The following DYNC1I1 variants were observed in gnomAD, a reference collection of about 807,000 sequenced individuals.
The protein encoded by DYNC1I1 is cytoplasmic dynein 1 intermediate chain 1.
In DYNC1I1, 43 loss-of-function variants were observed where a neutral mutation model predicts 86.6. The observed-to-expected ratio is 0.50, with a 90% CI of 0.39 to 0.64. The LOEUF is 0.64. Ranked by LOEUF, DYNC1I1 falls within the 30% of genes least tolerant of loss-of-function variation. DYNC1I1 has a pLI of 0.00. For synonymous variants in DYNC1I1, 262 were observed against 283.7 expected, an observed-to-expected ratio of 0.92 and a Z score of 0.77; for missense variants, 604 against 788.8, an observed-to-expected ratio of 0.77 and a Z score of 2.81.
chr7:95,953,561 C>T (rs1792617990), intron 6 of DYNC1I1, among the ~76,000 whole-genome samples: 1 of 152,170 alleles, frequency 6.6e-6, no homozygotes, highest in Non-Finnish European at 1.5e-5. Context: ...GAATATCATA[C>T]TGCGCTTGTA....
At position 96,042,894 on chromosome 7, in the gene DYNC1I1, G is replaced by A. The variant is rs1318259006; in HGVS notation, c.1509+3473G>A. ...AATAAAAAATGGGCCGGGGACTGTGGCTCACACCTGTGATCCCAGCACTTT... is the reference window on the plus strand; with the variant it reads ...AATAAAAAATGGGCCGGGGACTGTGACTCACACCTGTGATCCCAGCACTTT... On this transcript the variant is annotated intron_variant, in intron 14 of 16. Coordinates refer to ENST00000447467, the MANE Select transcript of DYNC1I1 (RefSeq NM_001135556.2). Among the ~76,000 whole-genome samples, 3 of 152,094 alleles carry A rather than the reference G, an allele frequency of 2.0e-5. No homozygotes were observed. In the East Asian group the frequency reaches 5.8e-4, roughly 29 times the overall value.
At chr7:95,873,464 C>T (rs192045629) in intron 6 of DYNC1I1, among the ~76,000 whole-genome samples, 61 of 152,274 alleles carry the variant, frequency 4.0e-4, no homozygotes, top group African/African-American at 1.4e-3. Flanking sequence ...CTAAGCATTT[C>T]GACTCTTAAT....
At chr7:95,913,847 T>G (rs1791401380) in intron 6 of DYNC1I1, among the ~76,000 whole-genome samples, 1 of 152,226 alleles carries the variant, frequency 6.6e-6, no homozygotes, top group South Asian at 2.1e-4. Flanking sequence ...CTTTTTGCAT[T>G]AATATCAGAG....
chr7:95,831,764 A>T lies in DYNC1I1; in HGVS notation c.374+3648A>T, dbSNP rs1051570348. 2.0e-5 allele frequency among the ~76,000 whole-genome samples: 3 copies of T among 152,216 alleles called. No individual in the cohort carries two copies. The East Asian group carries it at 5.8e-4, about 29-fold the overall frequency. On this transcript the variant is annotated intron_variant, in intron 5 of 16. Coordinates refer to ENST00000447467, the MANE Select transcript of DYNC1I1 (RefSeq NM_001135556.2). ...AATTAGTGATGTTGAACACTTTTTCATATACATATTGGTCATCTTATGTCT... is the reference window on the plus strand; with the variant it reads ...AATTAGTGATGTTGAACACTTTTTCTTATACATATTGGTCATCTTATGTCT...
At chr7:95,912,022 C>T (rs1261607221) in intron 6 of DYNC1I1, among the ~76,000 whole-genome samples, 1 of 152,156 alleles carries the variant, frequency 6.6e-6, no homozygotes, top group African/African-American at 2.4e-5. Context: ...AGCACTCACT[C>T]ATCACTTGAA....
chr7:96,013,059 A>T (rs1475402158), intron 10 of DYNC1I1, among the ~76,000 whole-genome samples: 2 of 152,054 alleles, frequency 1.3e-5, no homozygotes, highest in African/African-American at 2.4e-5. Context: ...AATCTCACAA[A>T]TTGAGGATCT....
chr7:96,034,671 GATGTGCACCCT>G (rs1236428338), intron 12 of DYNC1I1, among the ~76,000 whole-genome samples: 1 of 152,174 alleles, frequency 6.6e-6, no homozygotes, highest in Non-Finnish European at 1.5e-5. Flanking sequence ...CCCAGTTGCT[GATGTGCACCCT>G]ATGTGTGGAT....
intron 11 of DYNC1I1, among the ~76,000 whole-genome samples, chr7:96,030,545 C>T (rs1794785845): frequency 6.6e-6 from 1 of 152,076 alleles, no homozygotes; most frequent in South Asian, 2.1e-4. Flanking sequence ...TTCTTCTAGA[C>T]TTGCTTTCTT....
chr7:95,851,514 G>A (rs901959538), intron 5 of DYNC1I1, among the ~76,000 whole-genome samples: 1 of 152,314 alleles, frequency 6.6e-6, no homozygotes, highest in African/African-American at 2.4e-5. Context: ...AGGGGCTACT[G>A]TATTGATTTG....
chr7:95,926,213 TTTAACTAGAC>T (rs1275993652), intron 6 of DYNC1I1, among the ~76,000 whole-genome samples: 1 of 152,202 alleles, frequency 6.6e-6, no homozygotes, highest in Non-Finnish European at 1.5e-5. Flanking sequence ...ACAGGAAAGA[TTTAACTAGAC>T]TGTAAGAATG....
chr7:95,952,336 CTTA>C (rs1211201507), intron 6 of DYNC1I1, among the ~76,000 whole-genome samples: 1 of 152,104 alleles, frequency 6.6e-6, no homozygotes, highest in African/African-American at 2.4e-5. Flanking sequence ...ACTTTTTTAG[CTTA>C]TACTTTCCTC....
At chr7:95,897,921 C>T (rs1314633946) in intron 6 of DYNC1I1, among the ~76,000 whole-genome samples, 1 of 152,110 alleles carries the variant, frequency 6.6e-6, no homozygotes, top group Non-Finnish European at 1.5e-5. Context: ...AGCAGCTGCT[C>T]GCCATGTGAT....
At chr7:95,788,020 TG>T (rs1397979248) in intron 1 of DYNC1I1, among the ~76,000 whole-genome samples, 1 of 152,132 alleles carries the variant, frequency 6.6e-6, no homozygotes, top group Non-Finnish European at 1.5e-5. Context: ...CCAGAATGTC[TG>T]GGGATGAGAT....
At chr7:95,868,768 T>C (rs1490681935) in intron 5 of DYNC1I1, among the ~76,000 whole-genome samples, 1 of 152,182 alleles carries the variant, frequency 6.6e-6, no homozygotes, top group Non-Finnish European at 1.5e-5. Context: ...ACATAGACAT[T>C]ACCCATAACA....
chr7:96,009,941 G>A (rs576808655), intron 10 of DYNC1I1, among the ~76,000 whole-genome samples: 3 of 151,878 alleles, frequency 2.0e-5, no homozygotes, highest in East Asian at 1.9e-4. Context: ...CACCACACCC[G>A]GCAAATTTTG....
chr7:95,828,020 T>C, intron 4 of DYNC1I1, 37 bp from the exon 5 acceptor site: 1 of 1,611,522 alleles, frequency 6.2e-7, no homozygotes, highest in Non-Finnish European at 8.5e-7. Context: ...CTTTTGTTAA[T>C]TCTCTGTGTT....
intron 4 of DYNC1I1, among the ~76,000 whole-genome samples, chr7:95,824,187 T>G (rs1795152980): frequency 7.7e-6 from 1 of 130,092 alleles, no homozygotes; most frequent in Non-Finnish European, 1.8e-5. Context: ...ATGCAGAGTT[T>G]CGTCGTGTCG....
At chr7:95,788,995 T>C (rs915230456) in intron 1 of DYNC1I1, among the ~76,000 whole-genome samples, 2 of 152,234 alleles carry the variant, frequency 1.3e-5, no homozygotes, top group Non-Finnish European at 2.9e-5. Context: ...TAAAAGCTAA[T>C]GTATACATGC....
chr7:96,065,789 C>T (rs1789964510), intron 14 of DYNC1I1, among the ~76,000 whole-genome samples: 1 of 152,194 alleles, frequency 6.6e-6, no homozygotes, highest in Non-Finnish European at 1.5e-5. Flanking sequence ...CTTCCACTGT[C>T]AGCCTAACCT....
Sources: gnomAD v4.1 joint callset for allele counts (sites outside exome capture counted in the v4.1 genomes callset) on GRCh38, gnomAD v4.1.1 for gene constraint, MANE v1.5 for transcripts, NCBI Gene and HGNC (gene_info 2026-07-23, HGNC 2026-07-21) for gene names.